The following ZBTB16 variants were observed in gnomAD, a reference collection of about 807,000 sequenced individuals.
ZBTB16 encodes zinc finger and BTB domain containing 16, also known as zinc finger and BTB domain-containing protein 16.
In ZBTB16, 8 loss-of-function variants were observed where a neutral mutation model predicts 56.8. The observed-to-expected ratio is 0.14, with a 90% CI of 0.08 to 0.25. The LOEUF (loss-of-function observed/expected upper bound fraction) is 0.25. Ranked by LOEUF, ZBTB16 falls within the 10% of genes least tolerant of loss-of-function variation. ZBTB16 has a pLI of 1.00. For synonymous variants in ZBTB16, 363 were observed against 368.5 expected (o/e 0.98, Z 0.17); for missense variants, 625 against 903.0 (o/e 0.69, Z 3.95).
intron 4 of ZBTB16, among the ~76,000 whole-genome samples, chr11:114,241,354 C>T (rs913065370): frequency 4.6e-5 from 7 of 152,150 alleles, no homozygotes; most frequent in African/African-American, 1.7e-4. Flanking sequence ...CCCCAACCCC[C>T]GGGCCATGGT....
At chr11:114,237,146 G>C (rs939715747) in intron 4 of ZBTB16, 12 of 152,284 alleles carry the variant, frequency 7.9e-5, no homozygotes, top group African/African-American at 2.9e-4. Flanking sequence ...TATGCAGCCA[G>C]GTCTGTGGGG....
intron 4 of ZBTB16, among the ~76,000 whole-genome samples, chr11:114,238,967 A>G (rs1016517102): frequency 2.0e-5 from 3 of 152,066 alleles, no homozygotes; most frequent in African/African-American, 7.2e-5. Flanking sequence ...ATCTCCCACT[A>G]GTCTGGGACC....
At chr11:114,209,691 G>C in intron 4 of ZBTB16, 1 of 985,460 alleles carries the variant, frequency 1.0e-6, no homozygotes, top group Non-Finnish European at 1.2e-6. Flanking sequence ...GTCAGAGCAG[G>C]AGGCAAGGAT....
At position 114,251,661 on chromosome 11, in the gene ZBTB16, G is replaced by A. The variant is rs1944918939; in HGVS notation, c.*1106G>A. Among the ~76,000 whole-genome samples, 1 of 152,196 alleles carries A rather than the reference G, an allele frequency of 6.6e-6. No homozygotes were observed. The highest frequency in any genetic ancestry group is 1.5e-5 in the Non-Finnish European group (1 of 68,040). ...TTGAGTCACACTGGGGACCCCAGAT[G>A]TAGTGAGCTCAGCAAGAAAAGCCAG... On this transcript the variant is annotated 3_prime_UTR_variant, in exon 7 of 7. Transcript: ENST00000335953.
chr11:114,157,308 G>C (rs1942441404), intron 3 of ZBTB16, among the ~76,000 whole-genome samples: 1 of 152,194 alleles, frequency 6.6e-6, no homozygotes, highest in Non-Finnish European at 1.5e-5. Flanking sequence ...AATCCTGTTT[G>C]TAATATGTGC....
intron 3 of ZBTB16, among the ~76,000 whole-genome samples, chr11:114,167,395 T>G (rs1428602645): frequency 4.2e-5 from 5 of 119,628 alleles, no homozygotes; most frequent in Non-Finnish European, 8.4e-5. Flanking sequence ...TGTTTTTTTT[T>G]TTTTTTAAAT....
intron 2 of ZBTB16, among the ~76,000 whole-genome samples, chr11:114,133,421 G>C (rs141867917): frequency 3.5e-3 from 527 of 152,216 alleles, no homozygotes; most frequent in South Asian, 5.0e-3. Context: ...ATGCCCACTA[G>C]CCGCTGAGTG....
chr11:114,068,060 C>CAAAAAAA (rs4020463), intron 2 of ZBTB16, among the ~76,000 whole-genome samples: 1 of 111,320 alleles, frequency 9.0e-6, no homozygotes, highest in African/African-American at 3.6e-5. Flanking sequence ...AAAGCCAAGA[C>CAAAAAAA]AAAAAAAAAA....
chr11:114,082,646 T>C (rs1939808583), intron 2 of ZBTB16, among the ~76,000 whole-genome samples: 1 of 151,988 alleles, frequency 6.6e-6, no homozygotes, highest in African/African-American at 2.4e-5. Flanking sequence ...GATCATCAGC[T>C]CCTAAGGAGA....
At chr11:114,113,188 C>T (rs1029126664) in intron 2 of ZBTB16, among the ~76,000 whole-genome samples, 1 of 152,190 alleles carries the variant, frequency 6.6e-6, no homozygotes, top group Admixed American at 6.5e-5. Context: ...ATGCTGTCTT[C>T]TGTCTCACTC....
intron 2 of ZBTB16, among the ~76,000 whole-genome samples, chr11:114,152,587 G>C (rs539961889): frequency 1.3e-5 from 2 of 152,340 alleles, no homozygotes; most frequent in South Asian, 4.1e-4. Context: ...GGGAGAACTT[G>C]AGTCTGTTCC....
chr11:114,185,636 C>T (rs1943343755), intron 3 of ZBTB16, among the ~76,000 whole-genome samples: 1 of 152,130 alleles, frequency 6.6e-6, no homozygotes, highest in Admixed American at 6.5e-5. Flanking sequence ...CACCTTGCGT[C>T]TTACAGTGTT....
intron 2 of ZBTB16, among the ~76,000 whole-genome samples, chr11:114,133,576 G>A (rs1231955732): frequency 3.3e-5 from 5 of 152,200 alleles, no homozygotes; most frequent in Non-Finnish European, 5.9e-5. Flanking sequence ...GCAGTCATCG[G>A]GCTGGTAAGA....
intron 5 of ZBTB16, among the ~76,000 whole-genome samples, chr11:114,244,933 G>A (rs919925912): frequency 2.0e-5 from 3 of 152,180 alleles, no homozygotes; most frequent in Admixed American, 6.5e-5. Flanking sequence ...GAAGTCTCAC[G>A]TGGCCTTGGC....
At chr11:114,092,653 A>T (rs1184672664) in intron 2 of ZBTB16, among the ~76,000 whole-genome samples, 1 of 152,054 alleles carries the variant, frequency 6.6e-6, no homozygotes, top group Non-Finnish European at 1.5e-5. Flanking sequence ...TTATCTTGCT[A>T]GGCCTTAGTT....
intron 2 of ZBTB16, among the ~76,000 whole-genome samples, chr11:114,134,051 C>G (rs1941736822): frequency 2.0e-5 from 3 of 152,178 alleles, no homozygotes; most frequent in Admixed American, 1.3e-4. Flanking sequence ...GGGAGCACAG[C>G]TGGTTGTGTC....
intron 2 of ZBTB16, among the ~76,000 whole-genome samples, chr11:114,101,023 CA>C (rs1271403158): frequency 2.0e-5 from 3 of 151,996 alleles, no homozygotes; most frequent in Admixed American, 1.3e-4. Context: ...TGTTTTGAGA[CA>C]GGGTCTTACT....
chr11:114,203,947 C>T (rs972305082), intron 4 of ZBTB16, among the ~76,000 whole-genome samples: 8 of 152,060 alleles, frequency 5.3e-5, no homozygotes, highest in African/African-American at 9.7e-5. Flanking sequence ...CAGGAGGAGA[C>T]GGGGTAGTTG....
rs1236196883 is a variant in ZBTB16, at chr11:114,253,263, G to C, written c.*2708G>C. Among the ~76,000 whole-genome samples, 1 of 152,146 alleles carries C rather than the reference G, an allele frequency of 6.6e-6. No individual in the cohort carries two copies. Among genetic ancestry groups the C allele is most frequent in the African/African-American group, 2.4e-5 (1 of 41,438 alleles). On this transcript the variant is annotated 3_prime_UTR_variant, in exon 7 of 7. Transcript: ENST00000335953. ...CTCACTCCCATGCCCTTCCCACTCA[G>C]CCTGGGCCCCTCCCCGCTCCATTCA...
Sources: gnomAD v4.1 joint callset for allele counts (sites outside exome capture counted in the v4.1 genomes callset) on GRCh38, gnomAD v4.1.1 for gene constraint, MANE v1.5 for transcripts, NCBI Gene and HGNC (gene_info 2026-07-23, HGNC 2026-07-21) for gene names.